The following BRAF variants were observed in gnomAD, a reference collection of about 807,000 sequenced individuals.
BRAF encodes serine/threonine-protein kinase B-raf.
A neutral mutation model predicts 104.6 loss-of-function variants in BRAF; 16 were observed. The ratio of observed to expected loss-of-function variants is 0.15; its 90% CI spans 0.10 to 0.23. The LOEUF is 0.23. Ranked by LOEUF, BRAF falls within the 10% of genes least tolerant of loss-of-function variation. The probability of loss-of-function intolerance (pLI) is 1.00; values close to 1 mark genes in which losing one functional copy is unlikely to be tolerated. For missense variants in BRAF, 541 were observed against 937.3 expected, an observed-to-expected ratio of 0.58 and a Z score of 5.52; for synonymous variants, 310 against 341.6, an observed-to-expected ratio of 0.91 and a Z score of 1.02.
chr7:140,845,315 G>T (rs1026739245), intron 2 of BRAF, among the ~76,000 whole-genome samples: 1 of 152,130 alleles, frequency 6.6e-6, no homozygotes, highest in Non-Finnish European at 1.5e-5. Context: ...ATTTGGTGAT[G>T]ATTTCTTGGA....
chr7:140,920,679 T>C (rs1818117687), intron 1 of BRAF, among the ~76,000 whole-genome samples: 1 of 152,246 alleles, frequency 6.6e-6, no homozygotes, highest in Non-Finnish European at 1.5e-5. Context: ...TGACAGTTTA[T>C]TCCTTTAATG....
intron 3 of BRAF, among the ~76,000 whole-genome samples, chr7:140,815,883 T>C (rs1371912497): frequency 6.6e-6 from 1 of 152,192 alleles, no homozygotes; most frequent in Non-Finnish European, 1.5e-5. Flanking sequence ...CCTGGTCAGG[T>C]TGAATTTAAC....
At chr7:140,770,125 T>C (rs560241004) in intron 14 of BRAF, among the ~76,000 whole-genome samples, 1 of 152,332 alleles carries the variant, frequency 6.6e-6, no homozygotes, top group East Asian at 1.9e-4. Context: ...GGTACCTTTT[T>C]GTTTTACCTT....
intron 5 of BRAF, among the ~76,000 whole-genome samples, chr7:140,804,406 T>TGG (rs200619211): frequency 1.1e-3 from 160 of 147,320 alleles, no homozygotes; most frequent in African/African-American, 3.4e-3. Flanking sequence ...GTTTTTTTTT[T>TGG]GGGGGGGGTG....
chr7:140,715,932 C>A (rs780877673), downstream of BRAF, among the ~76,000 whole-genome samples: 4 of 152,152 alleles, frequency 2.6e-5, no homozygotes, highest in African/African-American at 9.7e-5. Context: ...AAGCTCATAC[C>A]TGAGATTCAG....
intron 1 of BRAF, among the ~76,000 whole-genome samples, chr7:140,868,301 T>C (rs2129089967): frequency 1.3e-5 from 2 of 152,328 alleles, no homozygotes; most frequent in Middle Eastern, 6.8e-3. Context: ...AACAGCATTA[T>C]TCACAATAGC....
Position 140,725,737 on chromosome 7 carries a change from A to T in BRAF, c.*757T>A. On this transcript the variant is annotated 3_prime_UTR_variant, in exon 20 of 20. Coordinates refer to ENST00000644969, the MANE Select transcript of BRAF (RefSeq NM_001374258.1). Reference sequence around the variant, plus strand: ...CCCAAACACTTATCTTCATTGCTGGACCCAATGAGAAAGAAGGCAATGTGT... The same window carrying T: ...CCCAAACACTTATCTTCATTGCTGGTCCCAATGAGAAAGAAGGCAATGTGT... The T allele has an allele frequency of 9.4e-7, 1 of 1,059,962 alleles. No individual in the cohort carries two copies. The highest frequency in any genetic ancestry group is 1.1e-6 in the Non-Finnish European group (1 of 876,186). The allele number at this position is 1,059,962 out of a possible 1,614,324, so 65.7% of individuals were successfully genotyped here. A position where few individuals can be genotyped will look rare whatever the true frequency, so the allele number is the denominator to read the frequency against.
intron 14 of BRAF, among the ~76,000 whole-genome samples, chr7:140,770,527 CAAAAA>C (rs35621209): frequency 1.7e-3 from 110 of 63,580 alleles, no homozygotes; most frequent in African/African-American, 4.7e-3. Flanking sequence ...TAAGGCCTGC[CAAAAA>C]AAAAAAAAAA....
chr7:140,879,755 G>A (rs1295356520), intron 1 of BRAF, among the ~76,000 whole-genome samples: 1 of 150,024 alleles, frequency 6.7e-6, no homozygotes, highest in African/African-American at 2.5e-5. Flanking sequence ...TTTTAAGATG[G>A]AGTCTTGCTC....
Position 140,724,138 on chromosome 7 carries a change from G to A in BRAF, c.*2356C>T. 1 of 1,054,080 alleles carries A rather than the reference G, an allele frequency of 9.5e-7. No homozygotes were observed. Among genetic ancestry groups the A allele is most frequent in the Non-Finnish European group, 1.1e-6 (1 of 872,238 alleles). The allele number at this position is 1,054,080 out of a possible 1,614,324, so 65.3% of individuals were successfully genotyped here. On this transcript the variant is annotated 3_prime_UTR_variant, in exon 20 of 20. Coordinates refer to ENST00000644969, the MANE Select transcript of BRAF (RefSeq NM_001374258.1). ...ATTCTAAAATGCAAGGGAAGAAAAA[G>A]TGTATCACCCTGAATATTGTTTAAG...
In BRAF at chr7:140,721,406, A is replaced by T; in HGVS notation, c.*5088T>A. On this transcript the variant is annotated 3_prime_UTR_variant, in exon 20 of 20. Transcript: ENST00000644969. ...GGAACTGTTAATTACCCTTTCCACA[A>T]TTAACAAAAATTAGAATTGAATTTC... is the stretch of plus-strand genomic sequence containing the variant. 8.0e-7 allele frequency: 1 copy of T among 1,252,420 alleles called. No homozygotes were observed. The highest frequency in any genetic ancestry group is 1.0e-6 in the Non-Finnish European group (1 of 999,884). 77.6% of individuals were successfully genotyped at this position (1,252,420 alleles called of 1,614,324 possible). A position where few individuals can be genotyped will look rare whatever the true frequency, so the allele number is the denominator to read the frequency against.
chr7:140,888,620 G>A (rs1262029470), intron 1 of BRAF, among the ~76,000 whole-genome samples: 1 of 152,128 alleles, frequency 6.6e-6, no homozygotes, highest in Non-Finnish European at 1.5e-5. Flanking sequence ...CAGATCACCT[G>A]AGGTTGGGAG....
In BRAF at chr7:140,724,368, G is replaced by T; in HGVS notation, c.*2126C>A. 9.5e-7 allele frequency: 1 copy of T among 1,054,998 alleles called. No individual in the cohort carries two copies. Among genetic ancestry groups the T allele is most frequent in the African/African-American group, 1.7e-5 (1 of 60,544 alleles). The allele number at this position is 1,054,998 out of a possible 1,614,324, so 65.4% of individuals were successfully genotyped here. On this transcript the variant is annotated 3_prime_UTR_variant, in exon 20 of 20. Transcript: ENST00000644969. ...ACAGCCACATTTAAAAGCATCTAGAGATATATTTAAAAAGAAAAAACAGCC... is the reference window on the plus strand; with the variant it reads ...ACAGCCACATTTAAAAGCATCTAGATATATATTTAAAAAGAAAAAACAGCC...
chr7:140,735,459 C>T (rs1021093569), intron 18 of BRAF, among the ~76,000 whole-genome samples: 1 of 152,174 alleles, frequency 6.6e-6, no homozygotes, highest in African/African-American at 2.4e-5. Context: ...AATCATGAAA[C>T]ATGTTTAAAG....
chr7:140,842,026 G>T (rs190220087), intron 2 of BRAF, among the ~76,000 whole-genome samples: 1 of 152,176 alleles, frequency 6.6e-6, no homozygotes, highest in East Asian at 1.9e-4. Flanking sequence ...CTTACAAACT[G>T]CCCATAAATG....
At chr7:140,754,085 C>T (rs567236447) in intron 15 of BRAF, 102 bp downstream of exon 14, 130 of 1,205,668 alleles carry the variant, frequency 1.1e-4, no homozygotes, top group Non-Finnish European at 1.4e-4. Context: ...TACAGTATAT[C>T]GAACTTAGCA....
chr7:140,909,204 T>C (rs1816684770), intron 1 of BRAF, among the ~76,000 whole-genome samples: 1 of 152,106 alleles, frequency 6.6e-6, no homozygotes, highest in Admixed American at 6.5e-5. Flanking sequence ...GGCGGGCAGA[T>C]CACCTGAGGT....
intron 1 of BRAF, among the ~76,000 whole-genome samples, chr7:140,915,712 A>ACGGT (rs1273766117): frequency 9.9e-5 from 15 of 152,074 alleles, no homozygotes; most frequent in Admixed American, 9.8e-4. Flanking sequence ...CTGGGATTAC[A>ACGGT]GGCATGAGCC....
At chr7:140,827,892 T>TTTTATTTA (rs1170872336) in intron 3 of BRAF, among the ~76,000 whole-genome samples, 6 of 152,134 alleles carry the variant, frequency 3.9e-5, no homozygotes, top group African/African-American at 1.2e-4. Flanking sequence ...GACACTGAAA[T>TTTTATTTA]TTTATTTATT....
Sources: allele counts gnomAD v4.1 joint callset (sites outside exome capture counted in the v4.1 genomes callset), GRCh38; gene constraint gnomAD v4.1.1; transcripts MANE v1.5; gene names NCBI Gene and HGNC (gene_info 2026-07-23, HGNC 2026-07-21).